The following NOP53 variants were observed in gnomAD, a reference collection of about 807,000 sequenced individuals.
NOP53 encodes ribosome biogenesis protein NOP53.
In NOP53, 40 loss-of-function variants were observed where a neutral mutation model predicts 61.0. The observed-to-expected ratio is 0.66, with a 90% CI of 0.51 to 0.85. NOP53 has a LOEUF of 0.85. Among genes scored for constraint, NOP53 ranks in the 40% least tolerant of loss-of-function variants. NOP53 has a pLI of 0.00. For synonymous variants in NOP53, 308 were observed against 289.5 expected (o/e 1.06, Z -0.65); for missense variants, 689 against 652.9 (o/e 1.06, Z -0.60).
At chr19:47,748,969 C>T (rs1354776427) in intron 2 of NOP53, among the ~76,000 whole-genome samples, 1 of 152,106 alleles carries the variant, frequency 6.6e-6, no homozygotes, top group African/African-American at 2.4e-5. Context: ...TGAGACCAGC[C>T]TGACCAACAT....
At chr19:47,750,335 C>A in intron 3 of NOP53, 49 bp downstream of exon 3, 3 of 1,147,760 alleles carry the variant, frequency 2.6e-6, no homozygotes, top group South Asian at 2.5e-5. Context: ...AGACTCTGGT[C>A]CTAAAGGGTT....
At chr19:47,751,619 T>C (rs1454736197) in intron 5 of NOP53, 29 bp downstream of exon 5, 41 of 1,572,202 alleles carry the variant, frequency 2.6e-5, no homozygotes, top group Non-Finnish European at 3.4e-5. Flanking sequence ...GCATCCTGGG[T>C]GATGGGAGGG....
rs1967054718 is a variant in NOP53, at chr19:47,745,800, T to C, written c.224+17T>C. 1 of 1,470,124 alleles carries C rather than the reference T, an allele frequency of 6.8e-7. No homozygotes were observed. The highest frequency in any genetic ancestry group is 9.0e-7 in the Non-Finnish European group (1 of 1,106,312). 91.1% of individuals were successfully genotyped at this position (1,470,124 alleles called of 1,614,324 possible). On this transcript the variant is annotated intron_variant, in intron 1 of 12. Transcript: ENST00000246802. ...CACGAGCGGGTACGTTGGGCGGGAC[T>C]TCCGGGAGGTGGGACGGTTCCTGCG...
At chr19:47,751,914 C>T (rs1484295546) in intron 5 of NOP53, among the ~76,000 whole-genome samples, 1 of 151,178 alleles carries the variant, frequency 6.6e-6, no homozygotes, top group African/African-American at 2.4e-5. Flanking sequence ...CCAGCCTGAC[C>T]AACGTGGTGA....
intron 1 of NOP53, chr19:47,745,997 T>C (rs1967058455): frequency 2.0e-6 from 1 of 504,206 alleles, no homozygotes; most frequent in East Asian, 3.2e-5. Context: ...AGCAGATAAA[T>C]ATACAGGACG....
chr19:47,756,854 C>T, intron 12 of NOP53, 110 bp downstream of exon 12: 1 of 1,500,542 alleles, frequency 6.7e-7, no homozygotes, highest in South Asian at 1.1e-5. Flanking sequence ...AGCCACACCC[C>T]CTTGGCCATG....
intron 9 of NOP53, 69 bp downstream of exon 9, chr19:47,755,592 C>T: frequency 7.0e-7 from 1 of 1,431,316 alleles, no homozygotes. Context: ...TGACACCTTC[C>T]TGCCTTTGTT....
intron 10 of NOP53, 117 bp from the exon 11 acceptor site, chr19:47,756,411 C>A: frequency 1.3e-6 from 1 of 741,778 alleles, no homozygotes. Flanking sequence ...CCCTGGTGCC[C>A]ACAGGCTGCC....
chr19:47,747,813 G>C (rs1210247804), intron 2 of NOP53, among the ~76,000 whole-genome samples: 1 of 81,720 alleles, frequency 1.2e-5, no homozygotes, highest in African/African-American at 5.0e-5. Context: ...TTGAGATGGA[G>C]TTTCAAGCCC....
intron 12 of NOP53, 100 bp from the exon 13 acceptor site, chr19:47,756,899 G>A: frequency 6.4e-7 from 1 of 1,561,756 alleles, no homozygotes. Flanking sequence ...GCGGGGTTGG[G>A]AGGGTCCCCA....
intron 6 of NOP53, chr19:47,753,107 C>G (rs1389583294): frequency 6.3e-6 from 1 of 157,668 alleles, no homozygotes; most frequent in African/African-American, 2.4e-5. Flanking sequence ...GTGCATTTAG[C>G]GGGCATCTGT....
intron 2 of NOP53, among the ~76,000 whole-genome samples, chr19:47,748,659 C>T (rs546381835): frequency 6.6e-6 from 1 of 151,736 alleles, no homozygotes; most frequent in Non-Finnish European, 1.5e-5. Context: ...TTTGGGAGGC[C>T]GAGGTGGGGC....
chr19:47,750,567 G>A (rs776371500), intron 3 of NOP53, among the ~76,000 whole-genome samples: 16 of 152,138 alleles, frequency 1.1e-4, no homozygotes, highest in Non-Finnish European at 1.9e-4. Context: ...TGGGGCATGA[G>A]CGGGTGAGAG....
intron 1 of NOP53, chr19:47,746,116 ATATATGTGTGTGTATATATATGTG>A (rs2046259283): frequency 5.8e-6 from 2 of 345,004 alleles, no homozygotes; most frequent in Non-Finnish European, 1.1e-5. Context: ...GTGTGTATGT[ATATATGTGTGTGTATATATATGTG>A]TATATGTGTG....
intron 2 of NOP53, among the ~76,000 whole-genome samples, chr19:47,748,133 T>G (rs975954204): frequency 6.8e-6 from 1 of 147,442 alleles, no homozygotes; most frequent in Non-Finnish European, 1.5e-5. Context: ...TCATGTCAGC[T>G]AGGCTGGTCT....
At chr19:47,751,356 C>A in intron 4 of NOP53, 164 bp from the exon 5 acceptor site, 1 of 653,608 alleles carries the variant, frequency 1.5e-6, no homozygotes, top group Non-Finnish European at 2.7e-6. Context: ...CCCGTCCAGA[C>A]ACAGTTTTGT....
At chr19:47,752,656 G>T in intron 6 of NOP53, 49 bp downstream of exon 6, 1 of 1,161,366 alleles carries the variant, frequency 8.6e-7, no homozygotes. Flanking sequence ...CTGCCTCTTG[G>T]TCAGGCCTTC....
Position 47,754,752 on chromosome 19 carries a change from C to T in NOP53, c.914C>T (p.Ser305Leu), listed in dbSNP as rs1230100395. ...CTGTGCGAGGGGCTGCTGGAGGAGT[C>T]GGATGGTGAGGGGGAGCCAGGCCAG... is the stretch of plus-strand genomic sequence containing the variant. ...QELCEGLLEE[S>L]DGEGEPGQGE... is the part of the protein sequence containing the mutation. The change falls in exon 8 of 13, where the codon TCG becomes TTG. Residue 305 changes from serine (S) to leucine (L), a missense_variant. Coordinates refer to ENST00000246802, the MANE Select transcript of NOP53 (RefSeq NM_015710.5). The surrounding 1 kb of genome is among the most constrained non-coding windows in gnomAD (Gnocchi z 4.2). 6 of 1,527,052 alleles carry T rather than the reference C, an allele frequency of 3.9e-6. No individual in the cohort carries two copies. Among genetic ancestry groups the T allele is most frequent in the Non-Finnish European group, 4.4e-6 (5 of 1,133,334 alleles). The allele number at this position is 1,527,052 out of a possible 1,614,324, so 94.6% of individuals were successfully genotyped here.
At chr19:47,755,001 C>T (rs554096116) in intron 8 of NOP53, 110 bp downstream of exon 8, 125 of 1,016,898 alleles carry the variant, frequency 1.2e-4, no homozygotes, top group African/African-American at 1.1e-3. Flanking sequence ...CCCCAAGCCC[C>T]GCATGTGGCC....
Sources: allele counts gnomAD v4.1 joint callset (sites outside exome capture counted in the v4.1 genomes callset), GRCh38; gene constraint gnomAD v4.1.1; non-coding constraint Gnocchi (gnomAD v3.1); transcripts MANE v1.5; gene names NCBI Gene and HGNC (gene_info 2026-07-23, HGNC 2026-07-21).